PADI6: variants seen among roughly 807,000 people sequenced by gnomAD.
PADI6 encodes peptidyl arginine deiminase 6, also known as inactive protein-arginine deiminase type-6.
A neutral mutation model predicts 78.2 loss-of-function variants in PADI6; 66 were observed. The observed-to-expected ratio is 0.84, with a 90% CI of 0.69 to 1.04. The LOEUF is 1.04. Among genes scored for constraint, PADI6 ranks in the 50% least tolerant of loss-of-function variants. PADI6 has a pLI of 0.00. For missense variants in PADI6, 854 were observed against 866.1 expected, an observed-to-expected ratio of 0.99 and a Z score of 0.18; for synonymous variants, 397 against 346.9, an observed-to-expected ratio of 1.14 and a Z score of -1.60.
chr1:17,376,173 C>A (rs1570122641), intron 3 of PADI6, among the ~76,000 whole-genome samples: 1 of 150,794 alleles, frequency 6.6e-6, no homozygotes, highest in Non-Finnish European at 1.5e-5. Flanking sequence ...CAGGTTTTCA[C>A]CATGTTGGCC....
chr1:17,384,895 C>G (rs560449457), intron 6 of PADI6, among the ~76,000 whole-genome samples: 9 of 152,140 alleles, frequency 5.9e-5, no homozygotes, highest in Middle Eastern at 3.2e-3. Context: ...ATTCTCTCTC[C>G]GTAAAGGGAG....
rs762408297 is a variant in PADI6, at chr1:17,372,272, G to A, written c.27G>A (p.Met9Ile). The A allele has an allele frequency of 6.2e-7, 1 of 1,614,006 alleles. No individual in the cohort carries two copies. Among genetic ancestry groups the A allele is most frequent in the South Asian group, 1.1e-5 (1 of 91,088 alleles). ...TGGTCAGCGTGGAGGGCCGAGCCAT[G>A]TCCTTCCAGAGTATCATCCACCTGT... MVSVEGRA[M>I]SFQSIIHLSL... Residue 9 changes from methionine to isoleucine, a missense_variant, in exon 1 of 16, where the codon ATG (methionine) becomes ATA (isoleucine). By Grantham distance (10) the Met-to-Ile change is conservative. Coordinates refer to ENST00000619609, the MANE Select transcript of PADI6 (RefSeq NM_207421.4).
intron 15 of PADI6, 42 bp from the exon 16 acceptor site, chr1:17,401,163 C>T: frequency 6.3e-7 from 1 of 1,593,936 alleles, no homozygotes; most frequent in Non-Finnish European, 8.6e-7. Context: ...TTTCAGGCCT[C>T]TGATCCCTGT....
intron 2 of PADI6, 100 bp downstream of exon 2, chr1:17,373,333 AAC>A (rs2074982631): frequency 7.2e-7 from 1 of 1,397,540 alleles, no homozygotes. Flanking sequence ...GAGCCTGGGA[AAC>A]ACGTTGTTTT....
At chr1:17,389,932 G>C (rs1417926241) in intron 8 of PADI6, among the ~76,000 whole-genome samples, 1 of 152,206 alleles carries the variant, frequency 6.6e-6, no homozygotes, top group Non-Finnish European at 1.5e-5. Flanking sequence ...TTAGGTGAAG[G>C]CTTTTTTGTT....
intron 3 of PADI6, among the ~76,000 whole-genome samples, chr1:17,378,282 G>A (rs546208362): frequency 6.6e-6 from 1 of 152,280 alleles, no homozygotes; most frequent in African/African-American, 2.4e-5. Flanking sequence ...GCTCATGTAA[G>A]CTCTAAGGAG....
At chr1:17,388,311 A>G in intron 6 of PADI6, 70 bp from the exon 7 acceptor site, 1 of 1,386,064 alleles carries the variant, frequency 7.2e-7, no homozygotes. Flanking sequence ...ATGAGCTGGT[A>G]CCTTGACCAT....
At chr1:17,380,164 A>G (rs1311278800) in intron 4 of PADI6, among the ~76,000 whole-genome samples, 177 bp downstream of exon 4, 2 of 152,090 alleles carry the variant, frequency 1.3e-5, no homozygotes, top group Admixed American at 1.3e-4. Flanking sequence ...GAGCTGATTA[A>G]ATTCCTTTTC....
rs963790394 is a variant in PADI6, at chr1:17,372,377, C to T, written c.116+16C>T. The T allele has an allele frequency of 4.3e-6, 7 of 1,611,878 alleles. No individual in the cohort carries two copies. The highest frequency in any genetic ancestry group is 2.2e-5 in the East Asian group (1 of 44,838). ...ATCTCAGCGGGTGAGATGCTGGGAG[C>T]TCTGCCAGAGGTGGCAGGCAGACAG... On this transcript the variant is annotated intron_variant, in intron 1 of 15. Transcript: ENST00000619609.
Position 17,373,126 on chromosome 1 carries a change from A to G in PADI6, c.187A>G (p.Thr63Ala). The G allele has an allele frequency of 6.2e-7, 1 of 1,614,008 alleles. No homozygotes were observed. The highest frequency in any genetic ancestry group is 8.5e-7 in the Non-Finnish European group (1 of 1,179,860). Residue 63 changes from threonine to alanine, a missense_variant, in exon 2 of 16, where the codon ACG (threonine) becomes GCG (alanine). Thr to Ala is a moderately conservative substitution (Grantham distance 58, BLOSUM62 0). Coordinates refer to ENST00000619609, the MANE Select transcript of PADI6 (RefSeq NM_207421.4). ...GAGGGTCTTGATCGATGTGGCCAACACGGTGATTTCTGAGAAGGAGGACGC... is the reference window on the plus strand; with the variant it reads ...GAGGGTCTTGATCGATGTGGCCAACGCGGTGATTTCTGAGAAGGAGGACGC... ...SGRVLIDVANTVISEKEDATI... is the reference protein window; with the variant it reads ...SGRVLIDVANAVISEKEDATI...
At chr1:17,379,111 A>ATTTTTTTTTTCTTTTT (rs2075047286) in intron 3 of PADI6, among the ~76,000 whole-genome samples, 1 of 100,846 alleles carries the variant, frequency 9.9e-6, no homozygotes, top group African/African-American at 5.8e-5. Flanking sequence ...TGCCCAGTTA[A>ATTTTTTTTTTCTTTTT]TTTTTTTTTT....
intron 6 of PADI6, among the ~76,000 whole-genome samples, chr1:17,384,776 C>T (rs1399587357): frequency 6.6e-6 from 1 of 152,128 alleles, no homozygotes; most frequent in African/African-American, 2.4e-5. Flanking sequence ...ATGCCCAAGC[C>T]CATAGTAAAG....
At chr1:17,375,172 C>G (rs991193198) in intron 2 of PADI6, among the ~76,000 whole-genome samples, 4 of 152,142 alleles carry the variant, frequency 2.6e-5, no homozygotes, top group Non-Finnish European at 5.9e-5. Context: ...GGATACAGCT[C>G]TCACGTGGAC....
chr1:17,386,999 G>T (rs763271931), intron 6 of PADI6, among the ~76,000 whole-genome samples: 10 of 152,192 alleles, frequency 6.6e-5, no homozygotes, highest in Non-Finnish European at 1.5e-4. Flanking sequence ...TCTAGCTTAG[G>T]ATCCCCTGAA....
At chr1:17,388,728 G>T (rs770123361) in intron 7 of PADI6, 49 bp from the exon 8 acceptor site, 129 of 1,565,060 alleles carry the variant, frequency 8.2e-5, no homozygotes, top group Non-Finnish European at 1.1e-4. Context: ...TAAGAGGGGA[G>T]CGAGTAAATG....
In PADI6 at chr1:17,389,605, G is replaced by C. The variant is rs1402734570; in HGVS notation, c.962+725G>C. On this transcript the variant is annotated intron_variant, in intron 8 of 15. Transcript: ENST00000619609. Reference sequence around the variant, plus strand: ...TGCCAAAATCCTGAACACGCACGGGGCCACGTCCGGCTTCAGGGAATCCAG... The same window carrying C: ...TGCCAAAATCCTGAACACGCACGGGCCCACGTCCGGCTTCAGGGAATCCAG... Among the ~76,000 whole-genome samples the C allele has an allele frequency of 2.0e-5, 3 of 152,194 alleles. 1 individual carries two copies. The highest frequency in any genetic ancestry group is 7.2e-5 in the African/African-American group (3 of 41,452).
At chr1:17,400,756 C>CT (rs1223727402) in intron 15 of PADI6, among the ~76,000 whole-genome samples, 1 of 152,188 alleles carries the variant, frequency 6.6e-6, no homozygotes, top group East Asian at 1.9e-4. Flanking sequence ...CCTAGGGACA[C>CT]AGGCCCTGCA....
At chr1:17,386,753 A>G (rs2075123428) in intron 6 of PADI6, among the ~76,000 whole-genome samples, 1 of 152,084 alleles carries the variant, frequency 6.6e-6, no homozygotes, top group Non-Finnish European at 1.5e-5. Context: ...CAGGGCCTCC[A>G]AGGAGGGGCT....
Position 17,394,957 on chromosome 1 carries a change from G to A in PADI6, c.1344G>A (p.Glu448=). The change falls in exon 12 of 16, where the codon GAG becomes GAA. Residue 448 remains glutamate (E), a synonymous_variant. Transcript: ENST00000619609. Reference sequence around the variant, plus strand: ...CTTTCCATCTTCCTTCTAGCGCAGAGGGCCGGGCCATGAGTAAGACCCTCC... The same window carrying A: ...CTTTCCATCTTCCTTCTAGCGCAGAAGGCCGGGCCATGAGTAAGACCCTCC... ...LIGSSFYPSA[E]GRAMSKTLRD... is the part of the protein sequence containing the mutation. 2 of 1,611,102 alleles carry A rather than the reference G, an allele frequency of 1.2e-6. No individual in the cohort carries two copies. Among genetic ancestry groups the A allele is most frequent in the Admixed American group, 1.7e-5 (1 of 59,762 alleles).
Sources: allele counts gnomAD v4.1 joint callset (sites outside exome capture counted in the v4.1 genomes callset), GRCh38; gene constraint gnomAD v4.1.1; transcripts MANE v1.5; gene names NCBI Gene and HGNC (gene_info 2026-07-23, HGNC 2026-07-21).